The following WDR48 variants were observed in gnomAD, a reference collection of about 807,000 sequenced individuals.
The protein encoded by WDR48 is WD repeat-containing protein 48.
Under a neutral mutation model 94.0 loss-of-function variants are expected in WDR48, and 22 were observed. The observed-to-expected ratio is 0.23, with a 90% CI of 0.17 to 0.33. WDR48 has a LOEUF of 0.33. WDR48 is among the 10% of genes least tolerant of loss of function. The probability of loss-of-function intolerance (pLI) is 1.00; values close to 1 mark genes in which losing one functional copy is unlikely to be tolerated. For synonymous variants in WDR48, 278 were observed against 280.5 expected, an observed-to-expected ratio of 0.99 and a Z score of 0.09; for missense variants, 541 against 813.8, an observed-to-expected ratio of 0.66 and a Z score of 4.08.
At chr3:39,078,275 G>GT (rs1409470320) in intron 10 of WDR48, 36 bp downstream of exon 10, 1 of 1,387,560 alleles carries the variant, frequency 7.2e-7, no homozygotes, top group South Asian at 1.2e-5. Context: ...CCTTATTGAA[G>GT]TTAGCGATAG....
intron 18 of WDR48, 190 bp from the exon 19 acceptor site, chr3:39,094,458 A>C: frequency 6.5e-7 from 1 of 1,533,314 alleles, no homozygotes; most frequent in Non-Finnish European, 8.7e-7. Context: ...TGGCATAGTC[A>C]CAAAAGATGT....
intron 10 of WDR48, among the ~76,000 whole-genome samples, chr3:39,079,029 CA>C (rs566314334): frequency 0.29 from 29,478 of 101,164 alleles, 2,929 homozygotes; most frequent in East Asian, 0.41. Flanking sequence ...GACTCCGTCT[CA>C]AAAAAAAAAA....
At chr3:39,054,936 G>A (rs1232082878) in intron 1 of WDR48, among the ~76,000 whole-genome samples, 1 of 152,242 alleles carries the variant, frequency 6.6e-6, no homozygotes, top group Non-Finnish European at 1.5e-5. Flanking sequence ...GGAATAGATT[G>A]TGTGATTATA....
chr3:39,069,842 T>A lies in WDR48; in HGVS notation c.672+98T>A, dbSNP rs74919531. ...GGTTGATTTGAACCGAAAGCCACACTTATTATAAATTGTCTAATTAAAAAA... is the reference window on the plus strand; with the variant it reads ...GGTTGATTTGAACCGAAAGCCACACATATTATAAATTGTCTAATTAAAAAA... On this transcript the variant is annotated intron_variant, in intron 7 of 18. Coordinates refer to ENST00000302313, the MANE Select transcript of WDR48 (RefSeq NM_020839.4). 7.3e-3 allele frequency: 6,830 copies of A among 937,992 alleles called. 318 individuals are homozygous for A. In the African/African-American group the frequency reaches 0.1, roughly 14 times the overall value. 58.1% of individuals were successfully genotyped at this position (937,992 alleles called of 1,614,324 possible). A position where few individuals can be genotyped will look rare whatever the true frequency, so the allele number is the denominator to read the frequency against.
In WDR48 at chr3:39,066,977, T is replaced by C. The variant is rs142335753; in HGVS notation, c.481+102T>C. ...GATAGGTTTGCATCGAGAGAGTGTT[T>C]CATATTTTGAGAGTGCTTCTACCTA... On this transcript the variant is annotated intron_variant, in intron 5 of 18. Transcript: ENST00000302313. 2.8e-6 allele frequency: 4 copies of C among 1,407,168 alleles called. No homozygotes were observed. In the East Asian group the frequency reaches 6.9e-5, roughly 24 times the overall value. 87.2% of individuals were successfully genotyped at this position (1,407,168 alleles called of 1,614,324 possible).
In WDR48 at chr3:39,087,947, G is replaced by A. The variant is rs2125680816; in HGVS notation, c.1475-181G>A. ...ATTTTTTCCATGAAATAGACCACAA[G>A]TTGCTGTGTTTCTTATTTTCAGAAA... On this transcript the variant is annotated intron_variant, in intron 14 of 18. Transcript: ENST00000302313. 5.1e-6 allele frequency: 3 copies of A among 583,108 alleles called. No individual in the cohort carries two copies. The East Asian group carries it at 8.7e-5, about 17-fold the overall frequency. The allele number at this position is 583,108 out of a possible 1,614,324, so 36.1% of individuals were successfully genotyped here.
intron 15 of WDR48, 75 bp from the exon 16 acceptor site, chr3:39,089,156 C>T: frequency 7.5e-7 from 1 of 1,341,668 alleles, no homozygotes; most frequent in South Asian, 1.3e-5. Flanking sequence ...AGGGTTCCTC[C>T]CGCTAATATT....
chr3:39,084,152 T>C lies in WDR48; in HGVS notation c.1174-3T>C, dbSNP rs749642621. On this transcript the variant is annotated splice_region_variant and splice_polypyrimidine_tract_variant and intron_variant, in intron 11 of 18. Coordinates refer to ENST00000302313, the MANE Select transcript of WDR48 (RefSeq NM_020839.4). ...GATCATTATACTTTCTTTTGATGTATAGGCATGTAAAGTTGAAGATCTGGG... is the reference window on the plus strand; with the variant it reads ...GATCATTATACTTTCTTTTGATGTACAGGCATGTAAAGTTGAAGATCTGGG... 1.2e-6 allele frequency: 2 copies of C among 1,606,562 alleles called. No individual in the cohort carries two copies. Among genetic ancestry groups the C allele is most frequent in the Non-Finnish European group, 1.7e-6 (2 of 1,174,736 alleles).
At chr3:39,069,437 A>G (rs959040146) in intron 6 of WDR48, among the ~76,000 whole-genome samples, 5 of 152,246 alleles carry the variant, frequency 3.3e-5, no homozygotes, top group Non-Finnish European at 7.3e-5. Flanking sequence ...TGTTGTGTGT[A>G]TAGTGACAAG....
At chr3:39,072,110 A>G (rs955780580) in intron 7 of WDR48, among the ~76,000 whole-genome samples, 7 of 152,210 alleles carry the variant, frequency 4.6e-5, no homozygotes, top group South Asian at 2.1e-4. Flanking sequence ...TTATAGGCCA[A>G]TGAATCCCAT....
chr3:39,074,972 T>C (rs2034137066), intron 8 of WDR48, 22 bp downstream of exon 8: 1 of 1,608,164 alleles, frequency 6.2e-7, no homozygotes, highest in Non-Finnish European at 8.5e-7. Context: ...GTTAATATTT[T>C]AGTTTTATAA....
chr3:39,082,932 A>G (rs1050670328), intron 11 of WDR48, among the ~76,000 whole-genome samples: 2 of 152,218 alleles, frequency 1.3e-5, no homozygotes, highest in Non-Finnish European at 2.9e-5. Flanking sequence ...CTAAGTCATC[A>G]GTCTTTCAGG....
At chr3:39,071,064 T>G (rs1226637909) in intron 7 of WDR48, among the ~76,000 whole-genome samples, 1 of 151,882 alleles carries the variant, frequency 6.6e-6, no homozygotes, top group Non-Finnish European at 1.5e-5. Context: ...TGCCACATTT[T>G]CTTAATCCAG....
At chr3:39,058,119 C>A (rs991376668) in intron 1 of WDR48, among the ~76,000 whole-genome samples, 2 of 152,092 alleles carry the variant, frequency 1.3e-5, no homozygotes, top group Admixed American at 1.3e-4. Flanking sequence ...TCTTTAGAAA[C>A]AGGGCTCTCA....
chr3:39,094,787 T>A lies in WDR48; in HGVS notation c.*44T>A. On this transcript the variant is annotated 3_prime_UTR_variant, in exon 19 of 19. Transcript: ENST00000302313. ...TGGATATTCATTTACGACCTTCCTC[T>A]ATGGCCCCAAGAGTAGTCCTAGGAA... is the stretch of plus-strand genomic sequence containing the variant. The A allele has an allele frequency of 6.2e-7, 1 of 1,610,590 alleles. No individual in the cohort carries two copies. The highest frequency in any genetic ancestry group is 8.5e-7 in the Non-Finnish European group (1 of 1,178,732).
intron 7 of WDR48, among the ~76,000 whole-genome samples, chr3:39,070,735 A>G (rs1181968934): frequency 2.7e-5 from 4 of 148,984 alleles, no homozygotes; most frequent in African/African-American, 1.0e-4. Context: ...GTACATGTGC[A>G]CAATGTGCAG....
At chr3:39,066,298 C>G (rs928437775) in intron 3 of WDR48, among the ~76,000 whole-genome samples, 1 of 152,128 alleles carries the variant, frequency 6.6e-6, no homozygotes. Flanking sequence ...TTAGTTGAGC[C>G]TTCAACTGGA....
Position 39,063,060 on chromosome 3 carries a change from T to C in WDR48, c.59T>C (p.Val20Ala), listed in dbSNP as rs112096085. The C allele has an allele frequency of 6.2e-7, 1 of 1,614,094 alleles. No individual in the cohort carries two copies. Among genetic ancestry groups the C allele is most frequent in the East Asian group, 2.2e-5 (1 of 44,878 alleles). The change falls in exon 2 of 19, where the codon GTT becomes GCT. Residue 20 changes from valine to alanine, a missense_variant. Around this residue, in one of 5 missense-constraint regions of WDR48, gnomAD observed 90 missense variants for 122.3 expected, o/e 0.74. Transcript: ENST00000302313. ...AGRRKVQVSY[V>A]IRDEVEKYNR... ...TGACACATTTGTCAGGTTTCCTATG[T>C]TATTCGAGATGAAGTGGAGAAGTAC... is the stretch of plus-strand genomic sequence containing the variant.
At chr3:39,083,992 C>T (rs935736527) in intron 11 of WDR48, among the ~76,000 whole-genome samples, 163 bp from the exon 12 acceptor site, 1 of 152,136 alleles carries the variant, frequency 6.6e-6, no homozygotes, top group Non-Finnish European at 1.5e-5. Flanking sequence ...TTTTTTATAG[C>T]AGCAGATTGT....
Sources: gnomAD v4.1 joint callset for allele counts (sites outside exome capture counted in the v4.1 genomes callset) on GRCh38, gnomAD v4.1.1 for gene constraint, gnomAD v4.1.1 regional missense constraint, MANE v1.5 for transcripts, NCBI Gene and HGNC (gene_info 2026-07-23, HGNC 2026-07-21) for gene names.